PTPN9: variants seen among roughly 807,000 people sequenced by gnomAD.
PTPN9 encodes the protein protein tyrosine phosphatase non-receptor type 9.
PTPN9 carries 26 observed loss-of-function variants against 69.8 expected under a neutral mutation model. The ratio of observed to expected loss-of-function variants is 0.37; its 90% CI spans 0.27 to 0.52. The LOEUF is 0.52. Ranked by LOEUF, PTPN9 falls within the 20% of genes least tolerant of loss-of-function variation. PTPN9 has a pLI of 0.91. For missense variants in PTPN9, 549 were observed against 740.3 expected (o/e 0.74, Z 3.00); for synonymous variants, 274 against 272.5 (o/e 1.01, Z -0.05).
intron 1 of PTPN9, 123 bp from the exon 2 acceptor site, chr15:75,527,384 A>G: frequency 9.5e-7 from 1 of 1,056,352 alleles, no homozygotes; most frequent in Non-Finnish European, 1.4e-6. Flanking sequence ...TGCTACAGGG[A>G]GCAGGGAAAG....
At chr15:75,488,655 G>A (rs1321628893) in intron 8 of PTPN9, among the ~76,000 whole-genome samples, 3 of 152,046 alleles carry the variant, frequency 2.0e-5, no homozygotes, top group African/African-American at 7.2e-5. Flanking sequence ...TCAGCCATGT[G>A]TAATGGCGTG....
At chr15:75,471,217 C>T (rs1567460554) in intron 10 of PTPN9, among the ~76,000 whole-genome samples, 1 of 151,890 alleles carries the variant, frequency 6.6e-6, no homozygotes, top group Non-Finnish European at 1.5e-5. Flanking sequence ...AGGAGAATCA[C>T]CTAAGACCAG....
chr15:75,573,996 C>T (rs2141347000), intron 1 of PTPN9, among the ~76,000 whole-genome samples: 1 of 152,192 alleles, frequency 6.6e-6, no homozygotes, highest in South Asian at 2.1e-4. Flanking sequence ...CCTGCAAAGA[C>T]CCTGTAAGCA....
rs564492678 is a variant in PTPN9, at chr15:75,533,830, A to G, written c.64-6569T>C. Among the ~76,000 whole-genome samples the G allele has an allele frequency of 4.6e-5, 7 of 152,324 alleles. No homozygotes were observed. The South Asian group carries it at 1.2e-3, about 27-fold the overall frequency. ...TTACATCAAACTCCCAAGAGCAGCTATAATTTTGAGATGAGCTTTGGGCAA... is the reference window on the plus strand; with the variant it reads ...TTACATCAAACTCCCAAGAGCAGCTGTAATTTTGAGATGAGCTTTGGGCAA... On this transcript the variant is annotated intron_variant, in intron 1 of 12. Transcript: ENST00000618819.
chr15:75,535,542 A>C (rs1210316548), intron 1 of PTPN9, among the ~76,000 whole-genome samples: 1 of 152,214 alleles, frequency 6.6e-6, no homozygotes, highest in Non-Finnish European at 1.5e-5. Flanking sequence ...GTTGTGCAGA[A>C]CAAACACCAT....
At chr15:75,539,730 G>C (rs961004632) in intron 1 of PTPN9, among the ~76,000 whole-genome samples, 1 of 151,612 alleles carries the variant, frequency 6.6e-6, no homozygotes, top group Non-Finnish European at 1.5e-5. Context: ...GGAGTGCAGC[G>C]GTGTGATCTC....
At chr15:75,561,429 A>T (rs2141340988) in intron 1 of PTPN9, among the ~76,000 whole-genome samples, 1 of 152,324 alleles carries the variant, frequency 6.6e-6, no homozygotes, top group Admixed American at 6.5e-5. Flanking sequence ...AGAAAAGGAA[A>T]AAAAAAAATG....
intron 7 of PTPN9, 82 bp from the exon 8 acceptor site, chr15:75,490,383 G>T: frequency 1.1e-6 from 1 of 949,726 alleles, no homozygotes; most frequent in Non-Finnish European, 1.7e-6. Context: ...ATGCTAAAGG[G>T]GTGTCAATTA....
At chr15:75,471,920 A>G (rs1474735859) in intron 10 of PTPN9, among the ~76,000 whole-genome samples, 8 of 151,904 alleles carry the variant, frequency 5.3e-5, no homozygotes, top group Admixed American at 5.2e-4. Context: ...TCCAGCCTGC[A>G]CAATAGAGTG....
intron 6 of PTPN9, 31 bp from the exon 7 acceptor site, chr15:75,506,034 G>T: frequency 6.6e-7 from 1 of 1,518,940 alleles, no homozygotes; most frequent in Non-Finnish European, 9.1e-7. Context: ...ATGTGAGTAT[G>T]TGGGAGGAGG....
At chr15:75,527,606 A>G (rs1263570031) in intron 1 of PTPN9, among the ~76,000 whole-genome samples, 1 of 152,154 alleles carries the variant, frequency 6.6e-6, no homozygotes, top group African/African-American at 2.4e-5. Flanking sequence ...GGGAGGCCAC[A>G]CTTTGGGAGG....
chr15:75,567,308 G>A (rs1055328776), intron 1 of PTPN9, among the ~76,000 whole-genome samples: 2 of 151,992 alleles, frequency 1.3e-5, no homozygotes, highest in East Asian at 1.9e-4. Context: ...GTGAGTCACC[G>A]CGCCCAGCCT....
intron 1 of PTPN9, among the ~76,000 whole-genome samples, chr15:75,534,024 C>T (rs952915584): frequency 6.6e-6 from 1 of 152,180 alleles, no homozygotes; most frequent in African/African-American, 2.4e-5. Flanking sequence ...ATATCAGTTA[C>T]CTAGCAACAA....
chr15:75,537,351 C>CAAA (rs1314961729), intron 1 of PTPN9, among the ~76,000 whole-genome samples: 1 of 29,848 alleles, frequency 3.4e-5, no homozygotes, highest in African/African-American at 1.3e-4. Context: ...GACTCCGTCT[C>CAAA]AAAAAAAAAA....
chr15:75,522,595 A>T (rs1373426109), intron 4 of PTPN9, among the ~76,000 whole-genome samples: 1 of 151,968 alleles, frequency 6.6e-6, no homozygotes, highest in East Asian at 1.9e-4. Flanking sequence ...TATCAGAGAC[A>T]GGGTTTCACC....
chr15:75,535,919 A>C (rs752981995), intron 1 of PTPN9, among the ~76,000 whole-genome samples: 2 of 152,228 alleles, frequency 1.3e-5, no homozygotes, highest in Non-Finnish European at 2.9e-5. Context: ...TGTACCAAAA[A>C]AGGAAACAAA....
intron 7 of PTPN9, among the ~76,000 whole-genome samples, chr15:75,500,342 C>CAT (rs1420968374): frequency 1.0e-4 from 14 of 139,052 alleles, no homozygotes; most frequent in African/African-American, 3.7e-4. Context: ...AACAAACATA[C>CAT]ATACACACAC....
At position 75,556,184 on chromosome 15, in the gene PTPN9, C is replaced by A. The variant is rs530340860; in HGVS notation, c.63+22530G>T. On this transcript the variant is annotated intron_variant, in intron 1 of 12. Transcript: ENST00000618819. ...CGTTCAAGCAATTCTCTGCCTCAGC[C>A]TCCCGAGTAGCTGGGATTACAGGCG... Among the ~76,000 whole-genome samples, 37 of 151,604 alleles carry A rather than the reference C, an allele frequency of 2.4e-4. No homozygotes were observed. In the South Asian group the frequency reaches 6.5e-3, roughly 27 times the overall value.
intron 5 of PTPN9, among the ~76,000 whole-genome samples, chr15:75,514,997 A>T (rs1006326823): frequency 2.6e-5 from 4 of 152,176 alleles, no homozygotes; most frequent in African/African-American, 9.7e-5. Flanking sequence ...TTATAAAGTT[A>T]AATCTTCACA....
Sources: gnomAD v4.1 joint callset for allele counts (sites outside exome capture counted in the v4.1 genomes callset) on GRCh38, gnomAD v4.1.1 for gene constraint, MANE v1.5 for transcripts, NCBI Gene and HGNC (gene_info 2026-07-23, HGNC 2026-07-21) for gene names.